Variants in CXCL13 observed in about 807,000 individuals in gnomAD.
CXCL13 encodes C-X-C motif chemokine 13.
Under a neutral mutation model 12.2 loss-of-function variants are expected in CXCL13, and 7 were observed. The observed-to-expected ratio is 0.57, with a 90% CI of 0.33 to 1.07. CXCL13 has a LOEUF of 1.07. Among genes scored for constraint, CXCL13 ranks in the 50% least tolerant of loss-of-function variants. The pLI is 0.04. For synonymous variants in CXCL13, 47 were observed against 42.4 expected (o/e 1.11, Z -0.42); for missense variants, 113 against 127.4 (o/e 0.89, Z 0.55).
intron 1 of CXCL13, among the ~76,000 whole-genome samples, chr4:77,580,810 C>T (rs1169155932): frequency 2.1e-5 from 3 of 139,900 alleles, no homozygotes; most frequent in Non-Finnish European, 4.7e-5. Context: ...CCTTCCCTCC[C>T]CTCTCCCTCT....
At chr4:77,526,703 G>A (rs1228739800) in intron 1 of CXCL13, among the ~76,000 whole-genome samples, 1 of 152,142 alleles carries the variant, frequency 6.6e-6, no homozygotes, top group East Asian at 1.9e-4. Context: ...ACAGTGACAA[G>A]CAAGCAGATA....
chr4:77,562,102 C>G (rs1235467783), intron 1 of CXCL13, among the ~76,000 whole-genome samples: 1 of 152,128 alleles, frequency 6.6e-6, no homozygotes, highest in Non-Finnish European at 1.5e-5. Flanking sequence ...AGCTGCCTCC[C>G]TGTGGGGAAG....
intron 1 of CXCL13, among the ~76,000 whole-genome samples, chr4:77,590,736 A>G (rs1307861841): frequency 6.6e-6 from 1 of 152,238 alleles, no homozygotes; most frequent in Non-Finnish European, 1.5e-5. Context: ...TATAAATTCA[A>G]ATGGGTTTGG....
rs539741102 is a variant in CXCL13, at chr4:77,558,144, TA to T, written c.-43+46362del. Among the ~76,000 whole-genome samples, 8 of 152,354 alleles carry T rather than the reference TA, an allele frequency of 5.3e-5. No homozygotes were observed. The East Asian group carries it at 1.5e-3, about 29-fold the overall frequency. ...TCTATACTCTTCTAGTTCTTGTTTA[TA>T]AAAAATGGCTAGGTCCTGAAGTTCC... On this transcript the variant is annotated intron_variant, in intron 1 of 4. Transcript: ENST00000286758.
At chr4:77,562,868 C>A (rs1168038983) in intron 1 of CXCL13, among the ~76,000 whole-genome samples, 1 of 152,158 alleles carries the variant, frequency 6.6e-6, no homozygotes, top group Non-Finnish European at 1.5e-5. Context: ...TAAAACACAC[C>A]AATCAGCTCT....
At chr4:77,513,754 T>C (rs896373659) in intron 1 of CXCL13, among the ~76,000 whole-genome samples, 1 of 152,074 alleles carries the variant, frequency 6.6e-6, no homozygotes, top group African/African-American at 2.4e-5. Context: ...ACCTGGCCTG[T>C]TTCCTGACTT....
At chr4:77,566,703 A>C (rs1429636578) in intron 1 of CXCL13, among the ~76,000 whole-genome samples, 1 of 152,136 alleles carries the variant, frequency 6.6e-6, no homozygotes, top group East Asian at 1.9e-4. Context: ...TCACCCCCTA[A>C]TATTAGAGTG....
chr4:77,553,666 C>T (rs1306450084), intron 1 of CXCL13, among the ~76,000 whole-genome samples: 1 of 152,200 alleles, frequency 6.6e-6, no homozygotes, highest in Non-Finnish European at 1.5e-5. Flanking sequence ...CCTTCTCCTC[C>T]CTGGGATCTG....
intron 1 of CXCL13, among the ~76,000 whole-genome samples, chr4:77,566,363 A>T (rs1454960860): frequency 6.6e-6 from 1 of 152,230 alleles, no homozygotes; most frequent in Non-Finnish European, 1.5e-5. Flanking sequence ...CATTGCACAA[A>T]ACTTTGACTT....
At chr4:77,595,303 C>G (rs1490580544) in intron 1 of CXCL13, among the ~76,000 whole-genome samples, 1 of 152,038 alleles carries the variant, frequency 6.6e-6, no homozygotes, top group East Asian at 1.9e-4. Flanking sequence ...AAAAGTATCC[C>G]TAGTTTGTAC....
chr4:77,568,897 G>A (rs1726000217), intron 1 of CXCL13, among the ~76,000 whole-genome samples: 1 of 151,836 alleles, frequency 6.6e-6, no homozygotes, highest in Non-Finnish European at 1.5e-5. Context: ...TTTTCTTATT[G>A]TCTCTTTATT....
At chr4:77,591,550 CAAA>C (rs780283463) in intron 1 of CXCL13, among the ~76,000 whole-genome samples, 4 of 48,610 alleles carry the variant, frequency 8.2e-5, no homozygotes, top group Non-Finnish European at 1.4e-4. Flanking sequence ...GACTCCATCT[CAAA>C]AAAAAAAAAA....
At chr4:77,562,125 G>T (rs1725829429) in intron 1 of CXCL13, among the ~76,000 whole-genome samples, 1 of 151,984 alleles carries the variant, frequency 6.6e-6, no homozygotes, top group Non-Finnish European at 1.5e-5. Context: ...CTCAGGACCT[G>T]CAGCCCTCCC....
intron 1 of CXCL13, among the ~76,000 whole-genome samples, chr4:77,558,061 C>A (rs1725706631): frequency 6.6e-6 from 1 of 152,224 alleles, no homozygotes; most frequent in African/African-American, 2.4e-5. Flanking sequence ...CTGCTAAATT[C>A]TCTTTTCAAA....
intron 1 of CXCL13, among the ~76,000 whole-genome samples, chr4:77,539,405 G>A (rs1725148143): frequency 6.6e-6 from 1 of 152,228 alleles, no homozygotes; most frequent in South Asian, 2.1e-4. Context: ...GGGATCACAA[G>A]CATGAGCCAC....
chr4:77,517,234 G>C (rs1329351236), intron 1 of CXCL13, among the ~76,000 whole-genome samples: 1 of 152,112 alleles, frequency 6.6e-6, no homozygotes, highest in Admixed American at 6.6e-5. Context: ...CAACTATGTG[G>C]TCAATTTTGG....
At chr4:77,518,633 C>T (rs375130530) in intron 1 of CXCL13, among the ~76,000 whole-genome samples, 5 of 152,186 alleles carry the variant, frequency 3.3e-5, no homozygotes, top group African/African-American at 4.8e-5. Flanking sequence ...CGAGCCTTGG[C>T]TTTCAGCTTC....
chr4:77,518,852 G>A (rs981567535), intron 1 of CXCL13, among the ~76,000 whole-genome samples: 1 of 152,172 alleles, frequency 6.6e-6, no homozygotes, highest in Non-Finnish European at 1.5e-5. Context: ...CGATCCTTTG[G>A]AGAAGGAGAG....
At chr4:77,564,730 C>T (rs1280398414) in intron 1 of CXCL13, among the ~76,000 whole-genome samples, 1 of 152,224 alleles carries the variant, frequency 6.6e-6, no homozygotes, top group African/African-American at 2.4e-5. Context: ...GGAGCCCAAA[C>T]TCTTAATTAT....
Sources: allele counts gnomAD v4.1 joint callset (sites outside exome capture counted in the v4.1 genomes callset), GRCh38; gene constraint gnomAD v4.1.1; transcripts MANE v1.5; gene names NCBI Gene and HGNC (gene_info 2026-07-23, HGNC 2026-07-21).